MAST2: variants seen among roughly 807,000 people sequenced by gnomAD.
MAST2 encodes the protein microtubule associated serine/threonine kinase 2, also known as microtubule-associated serine/threonine-protein kinase 2.
In MAST2, 70 loss-of-function variants were observed where a neutral mutation model predicts 147.4. That is an observed-to-expected ratio of 0.47 (90% CI 0.39 to 0.58). The LOEUF (loss-of-function observed/expected upper bound fraction) is 0.58. Ranked by LOEUF, MAST2 falls within the 20% of genes least tolerant of loss-of-function variation. The pLI is 0.00. For missense variants in MAST2, 2,080 were observed against 2,302.3 expected, an observed-to-expected ratio of 0.90 and a Z score of 1.98; for synonymous variants, 869 against 896.8, an observed-to-expected ratio of 0.97 and a Z score of 0.55.
At chr1:45,983,910 G>A (rs926549628) in intron 5 of MAST2, among the ~76,000 whole-genome samples, 3 of 152,146 alleles carry the variant, frequency 2.0e-5, no homozygotes, top group African/African-American at 7.2e-5. Flanking sequence ...TGAGTGCAAA[G>A]GTAGCTACAC....
At chr1:46,011,214 A>G (rs1461539707) in intron 10 of MAST2, 1 of 422,228 alleles carries the variant, frequency 2.4e-6, no homozygotes, top group Non-Finnish European at 4.3e-6. Flanking sequence ...CATGGGTAGT[A>G]GTCATAAGTA....
chr1:45,900,086 C>T (rs376169526), intron 4 of MAST2, among the ~76,000 whole-genome samples: 1 of 144,352 alleles, frequency 6.9e-6, no homozygotes, highest in Non-Finnish European at 1.5e-5. Context: ...AGAAGAATTG[C>T]TTGTACCTGG....
At chr1:45,974,517 G>A (rs1187410989) in intron 5 of MAST2, among the ~76,000 whole-genome samples, 1 of 152,178 alleles carries the variant, frequency 6.6e-6, no homozygotes, top group Non-Finnish European at 1.5e-5. Context: ...GATCATCTGA[G>A]TCTGAGGAGT....
At chr1:46,034,024 T>G in intron 27 of MAST2, 49 bp from the exon 28 acceptor site, 1 of 1,605,822 alleles carries the variant, frequency 6.2e-7, no homozygotes, top group African/African-American at 1.3e-5. Context: ...GGGTCCAGTG[T>G]GTGCTGTGCT....
chr1:45,850,872 A>G (rs1645604188), intron 3 of MAST2, among the ~76,000 whole-genome samples: 1 of 132,096 alleles, frequency 7.6e-6, no homozygotes. Flanking sequence ...CTGTAGCCTT[A>G]TAGTATAGTC....
At chr1:45,922,674 C>G (rs1010288155) in intron 4 of MAST2, among the ~76,000 whole-genome samples, 1 of 152,120 alleles carries the variant, frequency 6.6e-6, no homozygotes, top group South Asian at 2.1e-4. Flanking sequence ...TTCCTAGGCC[C>G]GAGAGTTCAG....
intron 1 of MAST2, among the ~76,000 whole-genome samples, chr1:45,809,109 G>A (rs1206705221): frequency 2.6e-5 from 4 of 152,134 alleles, no homozygotes; most frequent in Admixed American, 2.0e-4. Context: ...ATAGATATTT[G>A]CTCAATGTCC....
chr1:45,917,204 T>C (rs1449785660), intron 4 of MAST2: 1 of 385,838 alleles, frequency 2.6e-6, no homozygotes. Flanking sequence ...TACTGAAGTA[T>C]GATATTGGAG....
At chr1:45,814,751 C>T (rs969428573) in intron 1 of MAST2, among the ~76,000 whole-genome samples, 7 of 152,202 alleles carry the variant, frequency 4.6e-5, no homozygotes, top group African/African-American at 1.7e-4. Context: ...CACGCCATTG[C>T]ACTCCAGCCT....
intron 9 of MAST2, among the ~76,000 whole-genome samples, chr1:46,009,215 C>T (rs932768985): frequency 5.9e-5 from 9 of 152,034 alleles, no homozygotes; most frequent in African/African-American, 1.4e-4. Flanking sequence ...CCACCACGCC[C>T]GGCTAATTTT....
intron 4 of MAST2, among the ~76,000 whole-genome samples, chr1:45,932,486 C>G (rs1655466856): frequency 6.6e-6 from 1 of 152,084 alleles, no homozygotes. Flanking sequence ...CCAGCCTGGC[C>G]AACGTGGTGA....
chr1:46,035,328 G>A lies in MAST2; in HGVS notation c.4659G>A (p.Arg1553=). The A allele has an allele frequency of 1.2e-6, 2 of 1,613,898 alleles. No individual in the cohort carries two copies. Among genetic ancestry groups the A allele is most frequent in the East Asian group, 2.2e-5 (1 of 44,842 alleles). Residue 1553 remains arginine (R), a synonymous_variant, in exon 29 of 29, where the codon AGG becomes AGA. Coordinates refer to ENST00000361297, the MANE Select transcript of MAST2 (RefSeq NM_015112.3). This position sits in a 1 kb window ranked among gnomAD's most constrained non-coding sequence, Gnocchi z 5.5. ...ATCCTTTCCCGTCCAGAGACCCTAG[G>A]AGCCTGGGCCCAATGGTCCCAAGCC... ...EEDPFPSRDP[R]SLGPMVPSLL... is the part of the protein sequence containing the mutation.
At chr1:45,884,204 GA>G (rs1457693858) in intron 4 of MAST2, among the ~76,000 whole-genome samples, 1 of 151,530 alleles carries the variant, frequency 6.6e-6, no homozygotes, top group Non-Finnish European at 1.5e-5. Context: ...CCTCTTTTTT[GA>G]TAAAGTAACT....
At chr1:46,032,455 G>A in intron 25 of MAST2, 51 bp downstream of exon 25, 3 of 1,606,118 alleles carry the variant, frequency 1.9e-6, no homozygotes, top group Non-Finnish European at 1.7e-6. Context: ...CATCCTTCCA[G>A]CTTCCCCTTT....
intron 9 of MAST2, 119 bp from the exon 10 acceptor site, chr1:46,010,611 G>A: frequency 2.5e-6 from 2 of 801,174 alleles, no homozygotes; most frequent in Non-Finnish European, 4.0e-6. Flanking sequence ...CCAAATGGCA[G>A]TTTAAGGAAA....
intron 3 of MAST2, among the ~76,000 whole-genome samples, chr1:45,849,175 T>G (rs1392264422): frequency 6.6e-6 from 1 of 152,184 alleles, no homozygotes; most frequent in Non-Finnish European, 1.5e-5. Flanking sequence ...GTTTACAGAT[T>G]CAATGCTATT....
At chr1:45,893,837 A>C (rs1480590814) in intron 4 of MAST2, among the ~76,000 whole-genome samples, 1 of 152,208 alleles carries the variant, frequency 6.6e-6, no homozygotes, top group African/African-American at 2.4e-5. Flanking sequence ...ATTCATTAAT[A>C]ACAAAATATT....
At chr1:45,972,971 G>C (rs1417642995) in intron 5 of MAST2, among the ~76,000 whole-genome samples, 1 of 152,078 alleles carries the variant, frequency 6.6e-6, no homozygotes, top group African/African-American at 2.4e-5. Context: ...GATGTCCTCT[G>C]TTTTTTCATT....
chr1:45,893,397 A>G (rs1384068158), intron 4 of MAST2, among the ~76,000 whole-genome samples: 2 of 151,546 alleles, frequency 1.3e-5, no homozygotes, highest in Non-Finnish European at 1.5e-5. Flanking sequence ...TTTTTATTTT[A>G]TTTTAATTTT....
Sources: gnomAD v4.1 joint callset for allele counts (sites outside exome capture counted in the v4.1 genomes callset) on GRCh38, gnomAD v4.1.1 for gene constraint, Gnocchi (gnomAD v3.1) non-coding constraint, MANE v1.5 for transcripts, NCBI Gene and HGNC (gene_info 2026-07-23, HGNC 2026-07-21) for gene names.